Variants in MSH5 observed in about 807,000 individuals in gnomAD.
MSH5 encodes mutS protein homolog 5.
In MSH5, 78 loss-of-function variants were observed where a neutral mutation model predicts 107.7. The ratio of observed to expected loss-of-function variants is 0.72; its 90% CI spans 0.60 to 0.87. The LOEUF (loss-of-function observed/expected upper bound fraction) is 0.87. Among genes scored for constraint, MSH5 ranks in the 40% least tolerant of loss-of-function variants. The pLI is 0.00. For synonymous variants in MSH5, 326 were observed against 399.5 expected (o/e 0.82, Z 2.19); for missense variants, 889 against 1,046.6 (o/e 0.85, Z 2.08).
At position 31,760,835 on chromosome 6, in the gene MSH5, A is replaced by G. The variant is rs1217960899; in HGVS notation, c.1958A>G (p.Asn653Ser). 12 of 1,612,408 alleles carry G rather than the reference A, an allele frequency of 7.4e-6. No individual in the cohort carries two copies. Among genetic ancestry groups the G allele is most frequent in the African/African-American group, 4.0e-5 (3 of 74,912 alleles). ...LGLSTFMIDLNQVAKAVNNAT... is the reference protein window; with the variant it reads ...LGLSTFMIDLSQVAKAVNNAT... The stretch of plus-strand genomic sequence containing the variant: ...CTCTCCACCTTCATGATCGACCTCA[A>G]CCAGGTCAAAGGGAACAAAGGGAGG... Residue 653 changes from asparagine to serine, a missense_variant, in exon 20 of 25, where the codon AAC (asparagine) becomes AGC (serine). This residue lies in a region of MSH5 where 362 missense variants were observed against 456.2 expected (regional missense o/e 0.79). Coordinates refer to ENST00000375750, the MANE Select transcript of MSH5 (RefSeq NM_172166.4). The surrounding 1 kb of genome is among the most constrained non-coding windows in gnomAD (Gnocchi z 5.6).
Position 31,760,573 on chromosome 6 carries a change from C to G in MSH5, c.1813-117C>G. On this transcript the variant is annotated intron_variant, in intron 19 of 24. Coordinates refer to ENST00000375750, the MANE Select transcript of MSH5 (RefSeq NM_172166.4). The surrounding 1 kb of genome is among the most constrained non-coding windows in gnomAD (Gnocchi z 5.6). The stretch of plus-strand genomic sequence containing the variant: ...GAGACAGAGTCAGTGTGTCTGTTAC[C>G]TATTTCTCCTGTTTCACCCTGTCCA... The G allele has an allele frequency of 7.5e-7, 1 of 1,327,442 alleles. No individual in the cohort carries two copies. Among genetic ancestry groups the G allele is most frequent in the Non-Finnish European group, 1.1e-6 (1 of 928,698 alleles). 82.2% of individuals were successfully genotyped at this position (1,327,442 alleles called of 1,614,324 possible).
At chr6:31,741,428 A>C in intron 3 of MSH5, 142 bp downstream of exon 3, 2 of 1,175,370 alleles carry the variant, frequency 1.7e-6, no homozygotes, top group South Asian at 3.1e-5. Context: ...ACCCAGGCTC[A>C]AGTGCAGTGG....
Position 31,760,231 on chromosome 6 carries a change from T to G in MSH5, c.1812+15T>G. 4 of 1,568,590 alleles carry G rather than the reference T, an allele frequency of 2.6e-6. No individual in the cohort carries two copies. Among genetic ancestry groups the G allele is most frequent in the Non-Finnish European group, 2.6e-6 (3 of 1,160,724 alleles). ...ACCTCAAACAGGTGAGGAGAAGCCC[T>G]GCAGCCTGGGCCTCTGGCGTCTCCT... On this transcript the variant is annotated intron_variant, in intron 19 of 24. Transcript: ENST00000375750. This position sits in a 1 kb window ranked among gnomAD's most constrained non-coding sequence, Gnocchi z 5.6.
chr6:31,744,969 G>T (rs1331189108), intron 8 of MSH5, among the ~76,000 whole-genome samples: 1 of 151,858 alleles, frequency 6.6e-6, no homozygotes, highest in African/African-American at 2.4e-5. Flanking sequence ...AATTAGCTGG[G>T]TGTGTTGTGC....
Position 31,762,097 on chromosome 6 carries a change from C to A in MSH5, c.2320-15C>A, listed in dbSNP as rs912478808. ...CCACTCCCCTTACTCCTCCCACCTTCTTGCTTGTTCCTAGGTCTCAGACTT... is the reference window on the plus strand; with the variant it reads ...CCACTCCCCTTACTCCTCCCACCTTATTGCTTGTTCCTAGGTCTCAGACTT... On this transcript the variant is annotated splice_polypyrimidine_tract_variant and intron_variant, in intron 23 of 24. Transcript: ENST00000375750. 6.2e-7 allele frequency: 1 copy of A among 1,614,164 alleles called. No individual in the cohort carries two copies. The highest frequency in any genetic ancestry group is 8.5e-7 in the Non-Finnish European group (1 of 1,180,010).
rs1258926747 is a variant in MSH5 at position 31,762,546 on chromosome 6, TC to T, written c.*17del. The T allele has an allele frequency of 6.3e-7, 1 of 1,575,000 alleles. No homozygotes were observed. Among genetic ancestry groups the T allele is most frequent in the African/African-American group, 1.3e-5 (1 of 74,142 alleles). ...GCATCCTCTGAGAGTCCTTCCAGTG[TC>T]CTCCCCAGCCTCCTGAGACTCCGGT... On this transcript the variant is annotated 3_prime_UTR_variant, in exon 25 of 25. Transcript: ENST00000375750.
In MSH5 at chr6:31,760,552, C is replaced by CA. The variant is rs1810897429; in HGVS notation, c.1813-137dup. The CA allele has an allele frequency of 2.5e-6, 3 of 1,181,044 alleles. No homozygotes were observed. The highest frequency in any genetic ancestry group is 1.2e-6 in the Non-Finnish European group (1 of 808,168). The allele number at this position is 1,181,044 out of a possible 1,614,324, so 73.2% of individuals were successfully genotyped here. A position where few individuals can be genotyped will look rare whatever the true frequency, so the allele number is the denominator to read the frequency against. ...ATGGTCAGGATTCGGGGAGGAGAGA[C>CA]AGAGTCAGTGTGTCTGTTACCTATT... is the stretch of plus-strand genomic sequence containing the variant. On this transcript the variant is annotated intron_variant, in intron 19 of 24. Coordinates refer to ENST00000375750, the MANE Select transcript of MSH5 (RefSeq NM_172166.4). This position sits in a 1 kb window ranked among gnomAD's most constrained non-coding sequence, Gnocchi z 5.6.
chr6:31,741,262 G>A lies in MSH5; in HGVS notation c.247G>A (p.Glu83Lys), dbSNP rs1264654777. The A allele has an allele frequency of 3.7e-6, 6 of 1,612,332 alleles. No homozygotes were observed. Among genetic ancestry groups the A allele is most frequent in the South Asian group, 3.3e-5 (3 of 91,058 alleles). ...CTTCATGCCAGATGCCCCAGACCAC[G>A]AGAGCCTCAAGCTTCTCCAGAGAGG... The part of the protein sequence containing the change: ...IHFMPDAPDH[E>K]SLKLLQRVLD... The change falls in exon 3 of 25, where the codon GAG (glutamate) becomes AAG (lysine). Residue 83 changes from glutamate (E) to lysine (K), a missense_variant. Around this residue, in one of 3 missense-constraint regions of MSH5, gnomAD observed 518 missense variants for 565.0 expected, o/e 0.92. Coordinates refer to ENST00000375750, the MANE Select transcript of MSH5 (RefSeq NM_172166.4).
chr6:31,755,010 C>T (rs1209707651), intron 12 of MSH5, among the ~76,000 whole-genome samples: 1 of 152,132 alleles, frequency 6.6e-6, no homozygotes, highest in African/African-American at 2.4e-5. Flanking sequence ...CCTCGGCCTC[C>T]CAGAGTGCTG....
In MSH5 at chr6:31,759,228, G is replaced by T; in HGVS notation, c.1407+51G>T. The T allele has an allele frequency of 6.5e-7, 1 of 1,538,910 alleles. No individual in the cohort carries two copies. Among genetic ancestry groups the T allele is most frequent in the Non-Finnish European group, 9.0e-7 (1 of 1,113,456 alleles). Reference sequence around the variant, plus strand: ...GAGTGATGAGGAAAATGAGTCAGCAGCTGAGGAAGAGCGTTACTCTACAGC... The same window carrying T: ...GAGTGATGAGGAAAATGAGTCAGCATCTGAGGAAGAGCGTTACTCTACAGC... On this transcript the variant is annotated intron_variant, in intron 16 of 24. Coordinates refer to ENST00000375750, the MANE Select transcript of MSH5 (RefSeq NM_172166.4). This position sits in a 1 kb window ranked among gnomAD's most constrained non-coding sequence, Gnocchi z 4.7.
At position 31,759,351 on chromosome 6, in the gene MSH5, T is replaced by G; in HGVS notation, c.1408-74T>G. On this transcript the variant is annotated intron_variant, in intron 16 of 24. Coordinates refer to ENST00000375750, the MANE Select transcript of MSH5 (RefSeq NM_172166.4). This position sits in a 1 kb window ranked among gnomAD's most constrained non-coding sequence, Gnocchi z 4.7. ...AGAAGTCAGAGTTAGGGGCTGGAGG[T>G]GGGGTTAGAAAGATGGGGAAGGAGA... The G allele has an allele frequency of 1.3e-6, 2 of 1,508,928 alleles. No individual in the cohort carries two copies. The highest frequency in any genetic ancestry group is 1.7e-5 in the Admixed American group (1 of 58,258). 93.5% of individuals were successfully genotyped at this position (1,508,928 alleles called of 1,614,324 possible). A position where few individuals can be genotyped will look rare whatever the true frequency, so the allele number is the denominator to read the frequency against.
At chr6:31,742,732 G>A in intron 3 of MSH5, 145 bp from the exon 4 acceptor site, 1 of 709,068 alleles carries the variant, frequency 1.4e-6, no homozygotes, top group Admixed American at 2.5e-5. Flanking sequence ...ACTTCTACCT[G>A]TGTTCCCACT....
chr6:31,741,572 C>T (rs1144709), intron 3 of MSH5, among the ~76,000 whole-genome samples: 55,772 of 151,658 alleles, frequency 0.37, 12,524 homozygotes, highest in African/African-American at 0.64. Flanking sequence ...TTAGCACAGA[C>T]GGTGTTTCAC....
At chr6:31,743,208 C>G (rs777181398) in intron 5 of MSH5, 38 bp downstream of exon 5, 7 of 1,596,558 alleles carry the variant, frequency 4.4e-6, no homozygotes, top group Middle Eastern at 1.7e-4. Flanking sequence ...CTCCCTGTTC[C>G]GGTGTCCCAT....
rs990165411 is a variant in MSH5, at chr6:31,740,009, T to C, written c.-67T>C. 3.3e-5 allele frequency: 5 copies of C among 152,388 alleles called. No individual in the cohort carries two copies. Among genetic ancestry groups the C allele is most frequent in the Non-Finnish European group, 5.8e-5 (4 of 68,560 alleles). 9.4% of individuals were successfully genotyped at this position (152,388 alleles called of 1,614,324 possible). A position where few individuals can be genotyped will look rare whatever the true frequency, so the allele number is the denominator to read the frequency against. ...CGCTCACGCGCCGGCGCGCTCCTTT[T>C]GCAGGCTCGTGGCGGTCGGTCAGCG... On this transcript the variant is annotated 5_prime_UTR_variant, in exon 1 of 25. Transcript: ENST00000375750. This position sits in a 1 kb window ranked among gnomAD's most constrained non-coding sequence, Gnocchi z 4.4.
At chr6:31,745,951 A>G (rs565727403) in intron 9 of MSH5, among the ~76,000 whole-genome samples, 1 of 151,834 alleles carries the variant, frequency 6.6e-6, no homozygotes. Flanking sequence ...TATTTTTAGT[A>G]GAGAACGGGT....
chr6:31,755,509 C>T (rs537694828), intron 12 of MSH5, among the ~76,000 whole-genome samples: 7 of 152,058 alleles, frequency 4.6e-5, no homozygotes, highest in East Asian at 3.9e-4. Flanking sequence ...ATTACAGGTG[C>T]GTGCCACCAC....
intron 12 of MSH5, chr6:31,757,860 G>A: frequency 2.2e-6 from 1 of 457,048 alleles, no homozygotes; most frequent in Non-Finnish European, 3.9e-6. Flanking sequence ...AGTAGAGACA[G>A]GGTTTCACCA....
chr6:31,740,486 A>AC lies in MSH5; in HGVS notation c.23dup (p.Arg9LysfsTer59). ...AAGCTCATGGCCTCCTTAGGAGCGA[A>AC]CCCAAGGAGGACACCGCAGGGACCG... is the stretch of plus-strand genomic sequence containing the variant. On this transcript the variant is annotated frameshift_variant, in exon 2 of 25. Transcript: ENST00000375750. LOFTEE classifies it high-confidence loss of function. This position sits in a 1 kb window ranked among gnomAD's most constrained non-coding sequence, Gnocchi z 4.4. The AC allele has an allele frequency of 6.4e-7, 1 of 1,567,950 alleles. No individual in the cohort carries two copies. Among genetic ancestry groups the AC allele is most frequent in the Non-Finnish European group, 8.6e-7 (1 of 1,156,076 alleles).
Sources: allele counts gnomAD v4.1 joint callset (sites outside exome capture counted in the v4.1 genomes callset), GRCh38; gene constraint gnomAD v4.1.1; regional missense constraint gnomAD v4.1.1; non-coding constraint Gnocchi (gnomAD v3.1); transcripts MANE v1.5; gene names NCBI Gene and HGNC (gene_info 2026-07-23, HGNC 2026-07-21).